Variants in HMGCLL1 observed in about 807,000 individuals in gnomAD.
HMGCLL1 encodes 3-hydroxymethyl-3-methylglutaryl-CoA lyase, cytoplasmic.
In HMGCLL1, 36 loss-of-function variants were observed where a neutral mutation model predicts 39.1. That is an observed-to-expected ratio of 0.92 (90% CI 0.71 to 1.22). The LOEUF is 1.22. Among genes scored for constraint, HMGCLL1 ranks in the 50% most tolerant of loss-of-function variants. The pLI, the probability that HMGCLL1 is intolerant of heterozygous loss-of-function variation, is 0.00. For missense variants in HMGCLL1, 451 were observed against 416.5 expected (o/e 1.08, Z -0.72); for synonymous variants, 149 against 144.0 (o/e 1.03, Z -0.25).
At chr6:55,449,031 G>C (rs1412210981) in intron 7 of HMGCLL1, among the ~76,000 whole-genome samples, 1 of 152,136 alleles carries the variant, frequency 6.6e-6, no homozygotes, top group African/African-American at 2.4e-5. Flanking sequence ...ATGCAAAAAG[G>C]TAGCACCTAA....
chr6:55,543,429 C>CAT (rs1268673224), intron 1 of HMGCLL1, among the ~76,000 whole-genome samples: 5 of 55,056 alleles, frequency 9.1e-5, no homozygotes, highest in South Asian at 5.7e-4. Flanking sequence ...TGATATATAT[C>CAT]ATATATCATA....
chr6:55,526,798 A>C (rs1294952418), intron 3 of HMGCLL1, among the ~76,000 whole-genome samples: 1 of 152,086 alleles, frequency 6.6e-6, no homozygotes, highest in Non-Finnish European at 1.5e-5. Flanking sequence ...CAATCACTTC[A>C]GGCCCATAAA....
chr6:55,512,673 C>T (rs1190965320), intron 5 of HMGCLL1: 3 of 152,014 alleles, frequency 2.0e-5, no homozygotes, highest in Non-Finnish European at 1.5e-5. Context: ...CCCAAAACAC[C>T]TTGATTGAAA....
At position 55,569,581 on chromosome 6, in the gene HMGCLL1, A is replaced by G. The variant is rs552594955; in HGVS notation, c.108+9367T>C. On this transcript the variant is annotated intron_variant, in intron 1 of 8. Coordinates refer to ENST00000274901, the MANE Select transcript of HMGCLL1 (RefSeq NM_001042406.2). The stretch of plus-strand genomic sequence containing the variant: ...CACATTTTTTTAACCTTTCTGAACC[A>G]CAGTTACCAAATCTGTAAAATGGAT... Among the ~76,000 whole-genome samples the G allele has an allele frequency of 7.2e-5, 11 of 152,258 alleles. No homozygotes were observed. The East Asian group carries it at 1.9e-3, about 27-fold the overall frequency.
the HMGCLL1 span, among the ~76,000 whole-genome samples, chr6:55,606,312 G>A: frequency 6.6e-6 from 1 of 151,838 alleles, no homozygotes; most frequent in South Asian, 2.1e-4. Flanking sequence ...TCCATTATTG[G>A]GACAAATATC....
At chr6:55,566,634 A>T in intron 1 of HMGCLL1, 1 of 456,098 alleles carries the variant, frequency 2.2e-6, no homozygotes, top group Non-Finnish European at 4.4e-6. Context: ...TTCTCCTGTA[A>T]AATAGAGTCA....
intron 1 of HMGCLL1, among the ~76,000 whole-genome samples, chr6:55,570,752 T>A (rs956478095): frequency 6.6e-6 from 1 of 152,206 alleles, no homozygotes; most frequent in Admixed American, 6.5e-5. Flanking sequence ...TTGTGGCAGC[T>A]CACTTATTAA....
intron 1 of HMGCLL1, among the ~76,000 whole-genome samples, chr6:55,556,281 A>G (rs1177351590): frequency 6.6e-6 from 1 of 152,182 alleles, no homozygotes; most frequent in East Asian, 1.9e-4. Context: ...GAACTAAGGG[A>G]ATAAGAAATA....
the HMGCLL1 span, among the ~76,000 whole-genome samples, chr6:55,642,540 T>A: frequency 2.0e-5 from 3 of 152,150 alleles, no homozygotes; most frequent in African/African-American, 7.2e-5. Flanking sequence ...CAATGCTTAA[T>A]AATCACATCA....
chr6:55,443,203 T>C (rs776388917), intron 7 of HMGCLL1, among the ~76,000 whole-genome samples: 4 of 152,132 alleles, frequency 2.6e-5, no homozygotes, highest in Admixed American at 6.6e-5. Flanking sequence ...GCTTTAACTT[T>C]AGAGAAACTT....
chr6:55,542,171 G>T (rs201294383), intron 1 of HMGCLL1, 31 bp from the exon 2 acceptor site: 3 of 1,426,080 alleles, frequency 2.1e-6, no homozygotes, highest in Non-Finnish European at 2.9e-6. Context: ...ACAAGATAAC[G>T]TAACTTTTAG....
intron 7 of HMGCLL1, among the ~76,000 whole-genome samples, chr6:55,489,858 A>T (rs1297534693): frequency 6.6e-6 from 1 of 152,176 alleles, no homozygotes. Context: ...GGGTATGAGC[A>T]TATACTTTGA....
At chr6:55,605,253 G>T in the HMGCLL1 span, among the ~76,000 whole-genome samples, 1 of 152,264 alleles carries the variant, frequency 6.6e-6, no homozygotes, top group Middle Eastern at 3.4e-3. Flanking sequence ...TAGCTCCAGA[G>T]GCTATTGTTA....
intron 1 of HMGCLL1, 64 bp downstream of exon 1, chr6:55,578,884 G>A (rs1262895869): frequency 2.5e-6 from 3 of 1,213,268 alleles, no homozygotes; most frequent in Non-Finnish European, 2.4e-6. Context: ...AGAGGTTGCA[G>A]GGAGAGAGGC....
chr6:55,524,966 TTA>T (rs1561936833), intron 3 of HMGCLL1, among the ~76,000 whole-genome samples: 4 of 149,836 alleles, frequency 2.7e-5, no homozygotes, highest in Non-Finnish European at 4.5e-5. Context: ...TTACTATTAA[TTA>T]ATAGTAATAG....
At chr6:55,439,598 A>G in intron 7 of HMGCLL1, 39 bp from the exon 8 acceptor site, 1 of 1,593,390 alleles carries the variant, frequency 6.3e-7, no homozygotes, top group Non-Finnish European at 8.6e-7. Flanking sequence ...TTGTGTGTTT[A>G]TGGCATGTAA....
the HMGCLL1 span, among the ~76,000 whole-genome samples, chr6:55,619,839 G>T: frequency 6.6e-6 from 1 of 151,790 alleles, no homozygotes; most frequent in Non-Finnish European, 1.5e-5. Flanking sequence ...TGCCCACACC[G>T]CCCCCGCTCC....
At chr6:55,630,046 C>T in the HMGCLL1 span, among the ~76,000 whole-genome samples, 1 of 152,106 alleles carries the variant, frequency 6.6e-6, no homozygotes, top group Non-Finnish European at 1.5e-5. Context: ...GGCAACTGTC[C>T]CCCAGACCAC....
intron 7 of HMGCLL1, among the ~76,000 whole-genome samples, chr6:55,457,102 T>C (rs1026878636): frequency 2.0e-4 from 31 of 152,236 alleles, no homozygotes; most frequent in African/African-American, 6.5e-4. Context: ...TATTTTTGTG[T>C]CTTCTGCTTT....
Sources: allele counts gnomAD v4.1 joint callset (sites outside exome capture counted in the v4.1 genomes callset), GRCh38; gene constraint gnomAD v4.1.1; transcripts MANE v1.5; gene names NCBI Gene and HGNC (gene_info 2026-07-23, HGNC 2026-07-21).